SEC63: variants seen among roughly 807,000 people sequenced by gnomAD.
The protein encoded by SEC63 is translocation protein SEC63 homolog.
Under a neutral mutation model 116.2 loss-of-function variants are expected in SEC63, and 56 were observed. That is an observed-to-expected ratio of 0.48 (90% CI 0.39 to 0.60). The LOEUF (loss-of-function observed/expected upper bound fraction) is 0.60, where lower values mean the gene tolerates loss of function less well. Among genes scored for constraint, SEC63 ranks in the 20% least tolerant of loss-of-function variants. The pLI, the probability that SEC63 is intolerant of heterozygous loss-of-function variation, is 0.00. For synonymous variants in SEC63, 273 were observed against 294.6 expected (o/e 0.93, Z 0.75); for missense variants, 668 against 900.0 (o/e 0.74, Z 3.30).
rs1379157811 is a variant in SEC63 at position 107,886,835 on chromosome 6, GT to G, written c.1675-3690del. Among the ~76,000 whole-genome samples the G allele has an allele frequency of 3.5e-3, 454 of 128,694 alleles. 3 individuals are homozygous for G. The highest frequency in any genetic ancestry group is 0.012 in the African/African-American group (406 of 33,846). The allele number at this position is 128,694 out of a possible 152,430, so 84.4% of individuals were successfully genotyped here. A position where few individuals can be genotyped will look rare whatever the true frequency, so the allele number is the denominator to read the frequency against. On this transcript the variant is annotated intron_variant, in intron 16 of 20. Coordinates refer to ENST00000369002, the MANE Select transcript of SEC63 (RefSeq NM_007214.5). ...CTGTTCACTCTGATGATAGTTTTTT[GT>G]TTTTTTGGGTTTTTTTTTTTTTTTT...
chr6:107,894,029 T>G lies in SEC63; in HGVS notation c.1441-132A>C. ...GCTACAATTGACAAAGAAGGAGACGTTTAGCAATTACTAGCTGATGAATGT... is the reference window on the plus strand; with the variant it reads ...GCTACAATTGACAAAGAAGGAGACGGTTAGCAATTACTAGCTGATGAATGT... On this transcript the variant is annotated intron_variant, in intron 14 of 20. Transcript: ENST00000369002. The G allele has an allele frequency of 4.3e-6, 4 of 932,826 alleles. No individual in the cohort carries two copies. In the South Asian group the frequency reaches 5.8e-5, roughly 14 times the overall value. 57.8% of individuals were successfully genotyped at this position (932,826 alleles called of 1,614,324 possible).
rs897493860 is a variant in SEC63 at position 107,871,080 on chromosome 6, ATC to A, written c.*622_*623del. 5 of 154,088 alleles carry A rather than the reference ATC, an allele frequency of 3.2e-5. No individual in the cohort carries two copies. Among genetic ancestry groups the A allele is most frequent in the Non-Finnish European group, 5.8e-5 (4 of 69,060 alleles). 9.5% of individuals were successfully genotyped at this position (154,088 alleles called of 1,614,324 possible). ...TAAGCCATTAAAAGCCATTTTTATA[ATC>A]TGTCTGATAACTCTGGGCAATTAAG... On this transcript the variant is annotated 3_prime_UTR_variant, in exon 21 of 21. Coordinates refer to ENST00000369002, the MANE Select transcript of SEC63 (RefSeq NM_007214.5).
rs112237229 is a variant in SEC63, at chr6:107,880,880, C to T, written c.1935+269G>A. 3.6e-5 allele frequency: 14 copies of T among 391,456 alleles called. 1 individual carries two copies. Among genetic ancestry groups the T allele is most frequent in the African/African-American group, 2.2e-4 (11 of 49,254 alleles). The allele number at this position is 391,456 out of a possible 1,614,324, so 24.2% of individuals were successfully genotyped here. ...CTGCTAATGAGAAATCACCATTACA[C>T]ATAACACTCAGTAATCAGGGCACAG... On this transcript the variant is annotated intron_variant, in intron 18 of 20. Coordinates refer to ENST00000369002, the MANE Select transcript of SEC63 (RefSeq NM_007214.5).
intron 16 of SEC63, among the ~76,000 whole-genome samples, chr6:107,887,651 T>C (rs1459142104): frequency 6.6e-6 from 1 of 152,070 alleles, no homozygotes. Flanking sequence ...TAATGCTAGA[T>C]GACGAGTTAG....
rs551130078 is a variant in SEC63, at chr6:107,953,881, G to A, written c.124+4005C>T. Among the ~76,000 whole-genome samples, 41 of 151,760 alleles carry A rather than the reference G, an allele frequency of 2.7e-4. 1 individual carries two copies. In the South Asian group the frequency reaches 7.7e-3, roughly 29 times the overall value. On this transcript the variant is annotated intron_variant, in intron 1 of 20. Coordinates refer to ENST00000369002, the MANE Select transcript of SEC63 (RefSeq NM_007214.5). ...CCCCGCCCGGCCAGCCGCCCGGTCC[G>A]GGAGGTGAGGGGCGCCTCTCCTCAG...
At chr6:107,928,739 A>G (rs1787732174) in intron 2 of SEC63, among the ~76,000 whole-genome samples, 1 of 152,174 alleles carries the variant, frequency 6.6e-6, no homozygotes, top group Non-Finnish European at 1.5e-5. Flanking sequence ...AGTTTCATCT[A>G]TTACCTCTAA....
chr6:107,892,541 G>A (rs1221671993), intron 16 of SEC63, among the ~76,000 whole-genome samples: 1 of 152,002 alleles, frequency 6.6e-6, no homozygotes, highest in Non-Finnish European at 1.5e-5. Context: ...GATGAAAGAT[G>A]ACCTCACTGA....
At chr6:107,902,709 G>C in intron 12 of SEC63, 135 bp downstream of exon 12, 1 of 831,870 alleles carries the variant, frequency 1.2e-6, no homozygotes. Context: ...CCACCTGAGA[G>C]AAAGTTTTAG....
intron 3 of SEC63, 70 bp downstream of exon 3, chr6:107,924,748 T>C (rs1349604567): frequency 3.8e-6 from 3 of 781,182 alleles, no homozygotes; most frequent in Non-Finnish European, 6.9e-6. Context: ...CAATTTCTTT[T>C]AGAATGAGGA....
intron 1 of SEC63, among the ~76,000 whole-genome samples, chr6:107,932,673 G>A (rs929204195): frequency 7.2e-5 from 11 of 152,152 alleles, no homozygotes; most frequent in South Asian, 6.2e-4. Context: ...ATATCACTAC[G>A]AATGAATGTC....
At chr6:107,907,234 A>T (rs952941657) in intron 8 of SEC63, among the ~76,000 whole-genome samples, 8 of 152,186 alleles carry the variant, frequency 5.3e-5, no homozygotes, top group African/African-American at 2.4e-5. Flanking sequence ...TTCCAAAAAA[A>T]TTTTATTATG....
chr6:107,889,779 T>A (rs9372173), intron 16 of SEC63, among the ~76,000 whole-genome samples: 1 of 152,354 alleles, frequency 6.6e-6, no homozygotes, highest in East Asian at 1.9e-4. Context: ...TGGTACGTTA[T>A]GTCTTTGTTC....
At chr6:107,906,014 C>T (rs1248897048) in intron 10 of SEC63, among the ~76,000 whole-genome samples, 1 of 152,198 alleles carries the variant, frequency 6.6e-6, no homozygotes, top group Non-Finnish European at 1.5e-5. Flanking sequence ...CCACCCAAAT[C>T]TCATGTTGAA....
intron 3 of SEC63, 94 bp downstream of exon 3, chr6:107,924,724 T>G: frequency 1.4e-6 from 1 of 701,498 alleles, no homozygotes; most frequent in Non-Finnish European, 2.6e-6. Context: ...AAGTCTGATT[T>G]CTATAGGAAT....
intron 1 of SEC63, among the ~76,000 whole-genome samples, chr6:107,947,439 G>A (rs968311841): frequency 2.0e-5 from 3 of 152,054 alleles, no homozygotes; most frequent in African/African-American, 4.8e-5. Context: ...AGGGAGTGAC[G>A]GTGTGCACGT....
intron 16 of SEC63, among the ~76,000 whole-genome samples, chr6:107,885,704 T>A (rs538402500): frequency 6.6e-6 from 1 of 152,128 alleles, no homozygotes; most frequent in African/African-American, 2.4e-5. Context: ...AAAATTTTGA[T>A]CAGTAAAATA....
rs1474915040 is a variant in SEC63 at position 107,905,665 on chromosome 6, G to A, written c.961+783C>T. Among the ~76,000 whole-genome samples, 6 of 152,122 alleles carry A rather than the reference G, an allele frequency of 3.9e-5. 1 individual carries two copies. The highest frequency in any genetic ancestry group is 4.1e-4 in the South Asian group (2 of 4,830). ...ACAGACATTATTGGTAACCACTGTC[G>A]GAGGAAGCTTGTAGATGGGGAGGTG... On this transcript the variant is annotated intron_variant, in intron 10 of 20. Coordinates refer to ENST00000369002, the MANE Select transcript of SEC63 (RefSeq NM_007214.5).
intron 1 of SEC63, among the ~76,000 whole-genome samples, chr6:107,936,807 G>A (rs904502721): frequency 1.3e-5 from 2 of 152,192 alleles, no homozygotes; most frequent in African/African-American, 2.4e-5. Flanking sequence ...ACCCAAAGAG[G>A]TGAAGGAACG....
chr6:107,896,190 G>C (rs1002380308), intron 14 of SEC63, among the ~76,000 whole-genome samples: 2 of 150,708 alleles, frequency 1.3e-5, no homozygotes, highest in Non-Finnish European at 3.0e-5. Context: ...TAGGCTGGGC[G>C]CAGTTGCTCA....
Sources: allele counts gnomAD v4.1 joint callset (sites outside exome capture counted in the v4.1 genomes callset), GRCh38; gene constraint gnomAD v4.1.1; transcripts MANE v1.5; gene names NCBI Gene and HGNC (gene_info 2026-07-23, HGNC 2026-07-21).